SPRED1: variants seen among roughly 807,000 people sequenced by gnomAD.
SPRED1 encodes sprouty related EVH1 domain containing 1.
SPRED1 carries 18 observed loss-of-function variants against 52.3 expected under a neutral mutation model. The observed-to-expected ratio is 0.34, with a 90% CI of 0.24 to 0.51. The LOEUF (loss-of-function observed/expected upper bound fraction) is 0.51. Ranked by LOEUF, SPRED1 falls within the 20% of genes least tolerant of loss-of-function variation. SPRED1 has a pLI of 0.97. For synonymous variants in SPRED1, 155 were observed against 179.7 expected (o/e 0.86, Z 1.10); for missense variants, 485 against 551.0 (o/e 0.88, Z 1.20).
At position 38,286,634 on chromosome 15, in the gene SPRED1, A is replaced by G. The variant is rs183235560; in HGVS notation, c.33-12739A>G. Among the ~76,000 whole-genome samples, 3 of 152,132 alleles carry G rather than the reference A, an allele frequency of 2.0e-5. No individual in the cohort carries two copies. The East Asian group carries it at 5.8e-4, about 29-fold the overall frequency. On this transcript the variant is annotated intron_variant, in intron 1 of 6. Transcript: ENST00000299084. ...TTTAGGCATGGTACCAATTATTGAA[A>G]TACATTTTTATTGTTGTACATTACA... is the stretch of plus-strand genomic sequence containing the variant.
intron 1 of SPRED1, among the ~76,000 whole-genome samples, chr15:38,282,075 C>T (rs1894701946): frequency 2.0e-5 from 3 of 152,170 alleles, no homozygotes; most frequent in Non-Finnish European, 4.4e-5. Flanking sequence ...GTCCAGTGGA[C>T]ACCAGCATCA....
At chr15:38,319,774 A>G (rs1176301040) in intron 2 of SPRED1, among the ~76,000 whole-genome samples, 1 of 152,224 alleles carries the variant, frequency 6.6e-6, no homozygotes. Flanking sequence ...GCAGGACTGA[A>G]CCTTAGTCAC....
At chr15:38,340,464 A>G (rs1896005175) in intron 5 of SPRED1, among the ~76,000 whole-genome samples, 1 of 152,182 alleles carries the variant, frequency 6.6e-6, no homozygotes, top group African/African-American at 2.4e-5. Context: ...TCGATTTGTC[A>G]GTATTTCATC....
chr15:38,305,195 G>T (rs539162920), intron 2 of SPRED1, among the ~76,000 whole-genome samples: 8 of 152,124 alleles, frequency 5.3e-5, no homozygotes, highest in South Asian at 2.1e-4. Flanking sequence ...AGCTGGGCAT[G>T]GGGGCAGACA....
intron 1 of SPRED1, among the ~76,000 whole-genome samples, chr15:38,294,135 T>G (rs1894983295): frequency 6.6e-6 from 1 of 152,196 alleles, no homozygotes; most frequent in Non-Finnish European, 1.5e-5. Flanking sequence ...TACTACATCA[T>G]CCCAACCTAC....
intron 5 of SPRED1, among the ~76,000 whole-genome samples, chr15:38,342,751 G>A (rs1896054352): frequency 6.6e-6 from 1 of 152,020 alleles, no homozygotes; most frequent in African/African-American, 2.4e-5. Flanking sequence ...CTATACCTAT[G>A]TATTAGGTTA....
intron 1 of SPRED1, among the ~76,000 whole-genome samples, chr15:38,271,375 A>T (rs1894431092): frequency 6.6e-6 from 1 of 152,210 alleles, no homozygotes; most frequent in African/African-American, 2.4e-5. Context: ...GGAGATCAGG[A>T]TGTTGCAGCA....
chr15:38,255,998 T>TC (rs34961485), intron 1 of SPRED1, among the ~76,000 whole-genome samples: 125,421 of 151,992 alleles, frequency 0.83, 52,506 homozygotes, highest in Non-Finnish European at 0.9. Flanking sequence ...GAGTACATGC[T>TC]TATTATTTGA....
At chr15:38,337,685 A>G (rs1267501530) in intron 4 of SPRED1, among the ~76,000 whole-genome samples, 1 of 152,170 alleles carries the variant, frequency 6.6e-6, no homozygotes, top group Non-Finnish European at 1.5e-5. Flanking sequence ...CAGTACAGCA[A>G]GACACTAAGT....
chr15:38,275,359 C>G (rs1894527406), intron 1 of SPRED1, among the ~76,000 whole-genome samples: 1 of 152,160 alleles, frequency 6.6e-6, no homozygotes, highest in African/African-American at 2.4e-5. Context: ...CCAGGCTCAT[C>G]TCATGCTTTT....
At chr15:38,338,181 A>G (rs1895959674) in intron 4 of SPRED1, among the ~76,000 whole-genome samples, 1 of 151,536 alleles carries the variant, frequency 6.6e-6, no homozygotes. Flanking sequence ...ACTGCACTCC[A>G]GCCTGAGTGA....
chr15:38,349,048 C>G (rs1896198934), intron 5 of SPRED1, among the ~76,000 whole-genome samples: 1 of 152,136 alleles, frequency 6.6e-6, no homozygotes, highest in South Asian at 2.1e-4. Context: ...CATTGCCCCT[C>G]CTTCCCTATT....
intron 4 of SPRED1, among the ~76,000 whole-genome samples, chr15:38,327,008 C>T (rs570901897): frequency 6.6e-6 from 1 of 152,316 alleles, no homozygotes; most frequent in East Asian, 1.9e-4. Context: ...AAGAAGGTCA[C>T]ATGGCAGTTA....
chr15:38,274,171 CATTTTTAGAA>C (rs1894497127), intron 1 of SPRED1, among the ~76,000 whole-genome samples: 2 of 152,266 alleles, frequency 1.3e-5, no homozygotes, highest in East Asian at 3.9e-4. Flanking sequence ...GGTCAGACTA[CATTTTTAGAA>C]AAAGTTTTTC....
chr15:38,351,746 A>C lies in SPRED1; in HGVS notation c.*82A>C. ...GGATTTGTGGAAGCTTTTGGCAAGC[A>C]ATATGGAATCTTGCCTGGTATCATT... On this transcript the variant is annotated 3_prime_UTR_variant, in exon 7 of 7. Transcript: ENST00000299084. 6.6e-7 allele frequency: 1 copy of C among 1,514,318 alleles called. No homozygotes were observed. Among genetic ancestry groups the C allele is most frequent in the South Asian group, 1.2e-5 (1 of 86,612 alleles). The allele number at this position is 1,514,318 out of a possible 1,614,324, so 93.8% of individuals were successfully genotyped here. A position where few individuals can be genotyped will look rare whatever the true frequency, so the allele number is the denominator to read the frequency against.
At chr15:38,333,699 A>G (rs1267681145) in intron 4 of SPRED1, among the ~76,000 whole-genome samples, 1 of 152,158 alleles carries the variant, frequency 6.6e-6, no homozygotes, top group Non-Finnish European at 1.5e-5. Context: ...CATTTTCATT[A>G]TGAGAACTGG....
intron 2 of SPRED1, among the ~76,000 whole-genome samples, chr15:38,300,276 C>T (rs576535678): frequency 3.9e-5 from 6 of 152,092 alleles, no homozygotes; most frequent in Admixed American, 1.3e-4. Flanking sequence ...CTGATTACAT[C>T]CGAAAAGCTG....
In SPRED1 at chr15:38,318,151, A is replaced by T. The variant is rs566779423; in HGVS notation, c.208-4090A>T. Among the ~76,000 whole-genome samples, 10 of 152,162 alleles carry T rather than the reference A, an allele frequency of 6.6e-5. No homozygotes were observed. The South Asian group carries it at 2.1e-3, about 32-fold the overall frequency. On this transcript the variant is annotated intron_variant, in intron 2 of 6. Coordinates refer to ENST00000299084, the MANE Select transcript of SPRED1 (RefSeq NM_152594.3). ...TTTCTATTCCACTGCCTATTCCAAAATTCATTTTAGCAGCTACCATAGAAG... is the reference window on the plus strand; with the variant it reads ...TTTCTATTCCACTGCCTATTCCAAATTTCATTTTAGCAGCTACCATAGAAG...
chr15:38,294,349 G>A (rs772453230), intron 1 of SPRED1, among the ~76,000 whole-genome samples: 2 of 152,092 alleles, frequency 1.3e-5, no homozygotes, highest in Non-Finnish European at 2.9e-5. Context: ...GGTTGGTGGG[G>A]CGGAGGTCAG....
Sources: gnomAD v4.1 joint callset for allele counts (sites outside exome capture counted in the v4.1 genomes callset) on GRCh38, gnomAD v4.1.1 for gene constraint, MANE v1.5 for transcripts, NCBI Gene and HGNC (gene_info 2026-07-23, HGNC 2026-07-21) for gene names.